GFOD2: variants seen among roughly 807,000 people sequenced by gnomAD.
GFOD2 encodes Gfo/Idh/MocA-like oxidoreductase domain containing 2, also known as glucose-fructose oxidoreductase domain-containing protein 2.
GFOD2 carries 9 observed loss-of-function variants against 24.6 expected under a neutral mutation model. The ratio of observed to expected loss-of-function variants is 0.37; its 90% CI spans 0.22 to 0.64. The LOEUF (loss-of-function observed/expected upper bound fraction) is 0.64. Ranked by LOEUF, GFOD2 falls within the 30% of genes least tolerant of loss-of-function variation. GFOD2 has a pLI of 0.65. For synonymous variants in GFOD2, 211 were observed against 224.8 expected, an observed-to-expected ratio of 0.94 and a Z score of 0.55; for missense variants, 476 against 532.5, an observed-to-expected ratio of 0.89 and a Z score of 1.04.
chr16:67,697,829 C>T lies in GFOD2; in HGVS notation c.-87-12027G>A, dbSNP rs957046014. 2.6e-5 allele frequency among the ~76,000 whole-genome samples: 4 copies of T among 152,078 alleles called. No individual in the cohort carries two copies. In the South Asian group the frequency reaches 6.2e-4, roughly 24 times the overall value. On this transcript the variant is annotated intron_variant, in intron 1 of 2. Coordinates refer to ENST00000268797, the MANE Select transcript of GFOD2 (RefSeq NM_030819.4). ...TGTCTCACCTTTTCTGAGGAGCTAA[C>T]GAGGGAGCTGTGGGACATAAAAAGA...
At chr16:67,701,451 A>G (rs1402202886) in intron 1 of GFOD2, among the ~76,000 whole-genome samples, 1 of 152,250 alleles carries the variant, frequency 6.6e-6, no homozygotes, top group Non-Finnish European at 1.5e-5. Flanking sequence ...GATATATGCC[A>G]CAATGAACAA....
rs1340475082 is a variant in GFOD2, at chr16:67,695,594, G to T, written c.-87-9792C>A. ...TCTGTCACCCAGGCTGGAGTGCTGTGGCATGATCTTGGCCCACTGCAACCT... is the reference window on the plus strand; with the variant it reads ...TCTGTCACCCAGGCTGGAGTGCTGTTGCATGATCTTGGCCCACTGCAACCT... On this transcript the variant is annotated intron_variant, in intron 1 of 2. Transcript: ENST00000268797. 2.0e-5 allele frequency among the ~76,000 whole-genome samples: 3 copies of T among 146,466 alleles called. No individual in the cohort carries two copies. The East Asian group carries it at 6.1e-4, about 30-fold the overall frequency.
intron 1 of GFOD2, among the ~76,000 whole-genome samples, chr16:67,717,801 T>C (rs966637145): frequency 1.3e-5 from 2 of 151,920 alleles, no homozygotes; most frequent in Non-Finnish European, 2.9e-5. Context: ...GATAGATAGA[T>C]AGATAGATAG....
At chr16:67,713,567 CAACTAATT>C (rs1368107321) in intron 1 of GFOD2, among the ~76,000 whole-genome samples, 1 of 152,176 alleles carries the variant, frequency 6.6e-6, no homozygotes, top group Non-Finnish European at 1.5e-5. Flanking sequence ...TCCTTCAGAT[CAACTAATT>C]TGCTAGAGCA....
At chr16:67,679,518 C>T (rs940367672) in intron 2 of GFOD2, among the ~76,000 whole-genome samples, 7 of 152,004 alleles carry the variant, frequency 4.6e-5, no homozygotes, top group East Asian at 1.9e-4. Context: ...CGTGAGCCAC[C>T]GCGTCGGCCC....
intron 2 of GFOD2, chr16:67,685,134 C>T: frequency 3.0e-6 from 4 of 1,342,070 alleles, no homozygotes; most frequent in Non-Finnish European, 3.8e-6. Context: ...CAACCAATTC[C>T]CCGCCACCCA....
At chr16:67,701,153 T>C (rs557536504) in intron 1 of GFOD2, among the ~76,000 whole-genome samples, 4 of 152,336 alleles carry the variant, frequency 2.6e-5, no homozygotes, top group African/African-American at 7.2e-5. Context: ...CTATTCATTA[T>C]TGGCGAAAAT....
At chr16:67,683,720 G>C in intron 2 of GFOD2, 1 of 1,229,442 alleles carries the variant, frequency 8.1e-7, no homozygotes, top group Non-Finnish European at 1.0e-6. Context: ...ACCTTCCTAT[G>C]ACATTCCTCA....
intron 1 of GFOD2, among the ~76,000 whole-genome samples, chr16:67,699,926 A>C (rs2053389666): frequency 6.6e-6 from 1 of 151,980 alleles, no homozygotes; most frequent in Non-Finnish European, 1.5e-5. Context: ...CAAAAAACAA[A>C]CAAAAAAAGC....
chr16:67,697,098 G>A (rs896746976), intron 1 of GFOD2, among the ~76,000 whole-genome samples: 1 of 152,218 alleles, frequency 6.6e-6, no homozygotes, highest in Non-Finnish European at 1.5e-5. Context: ...CAGGAATGAA[G>A]TGTGCCTTGG....
chr16:67,675,692 C>T lies in GFOD2; in HGVS notation c.621G>A (p.Gln207=). 1 of 1,613,934 alleles carries T rather than the reference C, an allele frequency of 6.2e-7. No individual in the cohort carries two copies. Among genetic ancestry groups the T allele is most frequent in the Non-Finnish European group, 8.5e-7 (1 of 1,180,044 alleles). The change falls in exon 3 of 3, where the codon CAG becomes CAA. Residue 207 remains glutamine (Q), a synonymous_variant. Transcript: ENST00000268797. ...GCCGGATGCCACGGATGGCAGCGTTCTGCCTCACGAATGTCTTGAGCAGCC... is the reference window on the plus strand; with the variant it reads ...GCCGGATGCCACGGATGGCAGCGTTTTGCCTCACGAATGTCTTGAGCAGCC... ...VHGLLKTFVR[Q]NAAIRGIRHV...
intron 2 of GFOD2, chr16:67,680,973 G>A: frequency 1.0e-6 from 1 of 985,436 alleles, no homozygotes. Context: ...CTGGGATAGG[G>A]TGGCCAGGCC....
chr16:67,704,125 C>T (rs1235702877), intron 1 of GFOD2, among the ~76,000 whole-genome samples: 2 of 152,214 alleles, frequency 1.3e-5, no homozygotes, highest in Non-Finnish European at 2.9e-5. Flanking sequence ...CTACATTTTA[C>T]TATGTCCATA....
At chr16:67,687,799 C>T (rs1202029416) in intron 1 of GFOD2, among the ~76,000 whole-genome samples, 1 of 138,842 alleles carries the variant, frequency 7.2e-6, no homozygotes, top group African/African-American at 2.7e-5. Context: ...GTGAGACACC[C>T]ATCTTTACTA....
At chr16:67,685,367 G>A in intron 2 of GFOD2, 90 bp downstream of exon 2, 7 of 1,577,340 alleles carry the variant, frequency 4.4e-6, no homozygotes, top group Non-Finnish European at 6.0e-6. Flanking sequence ...GCGAGCCCAG[G>A]AAGGAGAGCT....
In GFOD2 at chr16:67,685,754, G is replaced by C. The variant is rs2053262093; in HGVS notation, c.-39C>G. On this transcript the variant is annotated 5_prime_UTR_variant, in exon 2 of 3. Transcript: ENST00000268797. ...TTTACCAACTCATCTCCTCACAAGAGCCTCTGGCATGGATATGATCTTCCA... is the reference window on the plus strand; with the variant it reads ...TTTACCAACTCATCTCCTCACAAGACCCTCTGGCATGGATATGATCTTCCA... The C allele has an allele frequency of 1.3e-6, 2 of 1,586,776 alleles. No homozygotes were observed. The highest frequency in any genetic ancestry group is 1.7e-6 in the Non-Finnish European group (2 of 1,168,720).
intron 1 of GFOD2, among the ~76,000 whole-genome samples, chr16:67,688,678 T>C (rs1461215691): frequency 6.6e-6 from 1 of 152,008 alleles, no homozygotes; most frequent in East Asian, 1.9e-4. Flanking sequence ...TTTCTTTTTC[T>C]CTTTTTAAAC....
chr16:67,693,048 A>T (rs78695105), intron 1 of GFOD2, among the ~76,000 whole-genome samples: 167 of 152,162 alleles, frequency 1.1e-3, no homozygotes, highest in African/African-American at 3.8e-3. Context: ...AAACAAAAAA[A>T]AAAGGAAAAT....
intron 1 of GFOD2, among the ~76,000 whole-genome samples, chr16:67,698,001 C>T (rs1228497721): frequency 6.6e-6 from 1 of 152,184 alleles, no homozygotes; most frequent in Non-Finnish European, 1.5e-5. Context: ...CTACCTGATC[C>T]TCTCTGCCCT....
Sources: gnomAD v4.1 joint callset for allele counts (sites outside exome capture counted in the v4.1 genomes callset) on GRCh38, gnomAD v4.1.1 for gene constraint, MANE v1.5 for transcripts, NCBI Gene and HGNC (gene_info 2026-07-23, HGNC 2026-07-21) for gene names.